Variants in SPOP observed in about 807,000 individuals in gnomAD.
SPOP encodes speckle type BTB/POZ protein.
A neutral mutation model predicts 45.6 loss-of-function variants in SPOP; 11 were observed. That is an observed-to-expected ratio of 0.24 (90% CI 0.15 to 0.40). SPOP has a LOEUF of 0.40. SPOP is among the 10% of genes least tolerant of loss of function. SPOP has a pLI of 1.00. For missense variants in SPOP, 152 were observed against 465.6 expected, an observed-to-expected ratio of 0.33 and a Z score of 6.20; for synonymous variants, 166 against 166.3, an observed-to-expected ratio of 1.00 and a Z score of 0.01.
intron 6 of SPOP, among the ~76,000 whole-genome samples, chr17:49,609,067 C>T (rs1027341954): frequency 2.0e-5 from 3 of 152,094 alleles, no homozygotes; most frequent in African/African-American, 7.2e-5. Context: ...CACCACCACG[C>T]CTGGCTAATT....
At chr17:49,668,478 G>C (rs902841343) in intron 1 of SPOP, among the ~76,000 whole-genome samples, 43 of 152,054 alleles carry the variant, frequency 2.8e-4, no homozygotes, top group Admixed American at 2.2e-3. Flanking sequence ...GTACATATTG[G>C]ATTATAGCAC....
intron 1 of SPOP, among the ~76,000 whole-genome samples, chr17:49,633,131 CCA>C (rs1329761419): frequency 5.3e-5 from 8 of 152,084 alleles, no homozygotes; most frequent in African/African-American, 1.9e-4. Flanking sequence ...TAAGATTTTC[CCA>C]GTTTACAGGT....
intron 1 of SPOP, among the ~76,000 whole-genome samples, chr17:49,661,491 G>A (rs902431120): frequency 1.3e-5 from 2 of 151,886 alleles, no homozygotes; most frequent in African/African-American, 2.4e-5. Flanking sequence ...ACCCTTCAAA[G>A]CCCAGCTCAA....
intron 1 of SPOP, among the ~76,000 whole-genome samples, chr17:49,670,591 G>A (rs1029185609): frequency 6.6e-6 from 1 of 152,138 alleles, no homozygotes; most frequent in Admixed American, 6.5e-5. Context: ...TTTTTGCTAA[G>A]ATAGGAATTA....
intron 5 of SPOP, among the ~76,000 whole-genome samples, chr17:49,615,280 G>A (rs2072060931): frequency 6.6e-6 from 1 of 152,146 alleles, no homozygotes; most frequent in Non-Finnish European, 1.5e-5. Context: ...GTTACAACAT[G>A]ACAAAGAGGT....
At chr17:49,657,053 C>G (rs368572448) in intron 1 of SPOP, among the ~76,000 whole-genome samples, 1 of 151,824 alleles carries the variant, frequency 6.6e-6, no homozygotes, top group East Asian at 1.9e-4. Context: ...GACATGGTGG[C>G]GGGCGCCTGT....
chr17:49,640,851 T>C (rs1051698655), intron 1 of SPOP, among the ~76,000 whole-genome samples: 1 of 152,174 alleles, frequency 6.6e-6, no homozygotes, highest in Non-Finnish European at 1.5e-5. Context: ...TGGAGCATTG[T>C]ACGTGTCATT....
At chr17:49,610,795 G>A (rs1432554589) in intron 6 of SPOP, among the ~76,000 whole-genome samples, 3 of 152,142 alleles carry the variant, frequency 2.0e-5, no homozygotes, top group East Asian at 1.9e-4. Flanking sequence ...TGAAAACCAT[G>A]GGCCTATTAA....
At chr17:49,622,988 T>C (rs2072250602) in intron 1 of SPOP, 112 bp from the exon 2 acceptor site, 1 of 572,460 alleles carries the variant, frequency 1.7e-6, no homozygotes, top group East Asian at 3.1e-5. Context: ...TTTGAGTGGC[T>C]CCTTACCACT....
chr17:49,638,657 T>A (rs188791668), intron 1 of SPOP, among the ~76,000 whole-genome samples: 47 of 152,262 alleles, frequency 3.1e-4, no homozygotes, highest in Admixed American at 5.9e-4. Context: ...CAAATAAGCT[T>A]CTCTTAGACT....
rs552496841 is a variant in SPOP at position 49,668,771 on chromosome 17, A to G, written c.-67+9162T>C. Among the ~76,000 whole-genome samples, 1,026 of 150,330 alleles carry G rather than the reference A, an allele frequency of 6.8e-3. 13 individuals carry two copies. The highest frequency in any genetic ancestry group is 0.024 in the African/African-American group (968 of 40,554). Reference sequence around the variant, plus strand: ...GACATATATACACTCATATATATACATATCTTTTTTTTTTTTTTTTGAGAC... The same window carrying G: ...GACATATATACACTCATATATATACGTATCTTTTTTTTTTTTTTTTGAGAC... On this transcript the variant is annotated intron_variant, in intron 1 of 9. Transcript: ENST00000504102.
rs1230039164 is a variant in SPOP, at chr17:49,661,056, G to A, written c.-67+16877C>T. Among the ~76,000 whole-genome samples the A allele has an allele frequency of 2.6e-5, 4 of 152,102 alleles. 1 individual carries two copies. In the South Asian group the frequency reaches 8.3e-4, roughly 32 times the overall value. ...CTTGCTGAAGTTCCTTTTCTAGACT[G>A]CAAATTCCATCAGAGTGGGGATTTT... On this transcript the variant is annotated intron_variant, in intron 1 of 9. Transcript: ENST00000504102.
intron 5 of SPOP, among the ~76,000 whole-genome samples, chr17:49,616,868 A>G (rs923809213): frequency 1.3e-5 from 2 of 152,246 alleles, no homozygotes; most frequent in Admixed American, 6.5e-5. Flanking sequence ...CCTCGTTTCT[A>G]AAGTGTCATC....
chr17:49,648,991 C>T (rs954633728), intron 1 of SPOP, among the ~76,000 whole-genome samples: 4 of 151,956 alleles, frequency 2.6e-5, no homozygotes, highest in Admixed American at 6.6e-5. Flanking sequence ...TCTCCTGACC[C>T]CATGATCCGC....
intron 1 of SPOP, among the ~76,000 whole-genome samples, chr17:49,625,771 A>AAAC (rs1186209019): frequency 3.9e-5 from 6 of 152,208 alleles, no homozygotes; most frequent in East Asian, 1.9e-4. Context: ...TAAAAGTAAA[A>AAAC]AACAACAACA....
intron 1 of SPOP, among the ~76,000 whole-genome samples, chr17:49,649,531 G>C (rs1264889934): frequency 7.2e-6 from 1 of 139,366 alleles, no homozygotes; most frequent in Non-Finnish European, 1.5e-5. Context: ...AGTGGAACTC[G>C]GTCTCAGAAA....
rs188659375 is a variant in SPOP, at chr17:49,634,406, G to A, written c.-66-11530C>T. Among the ~76,000 whole-genome samples, 237 of 152,306 alleles carry A rather than the reference G, an allele frequency of 1.6e-3. 1 individual carries two copies. The highest frequency in any genetic ancestry group is 5.2e-3 in the South Asian group (25 of 4,826). Reference sequence around the variant, plus strand: ...TTATTCTAAAGAAGAGCTGAAAAAGGATCAGAAAAGGAGGAAGCAGGGAAA... The same window carrying A: ...TTATTCTAAAGAAGAGCTGAAAAAGAATCAGAAAAGGAGGAAGCAGGGAAA... On this transcript the variant is annotated intron_variant, in intron 1 of 9. Transcript: ENST00000504102.
intron 1 of SPOP, among the ~76,000 whole-genome samples, chr17:49,632,182 A>G (rs549705335): frequency 8.5e-5 from 13 of 152,382 alleles, no homozygotes; most frequent in African/African-American, 2.9e-4. Flanking sequence ...GAATGTAGCT[A>G]TAGGAATCCA....
chr17:49,673,199 T>A (rs182153597), intron 1 of SPOP, among the ~76,000 whole-genome samples: 58 of 152,200 alleles, frequency 3.8e-4, no homozygotes, highest in African/African-American at 1.3e-3. Flanking sequence ...AATACAAAAA[T>A]TTATATATTT....
Sources: gnomAD v4.1 joint callset for allele counts (sites outside exome capture counted in the v4.1 genomes callset) on GRCh38, gnomAD v4.1.1 for gene constraint, MANE v1.5 for transcripts, NCBI Gene and HGNC (gene_info 2026-07-23, HGNC 2026-07-21) for gene names.